The following SYTL2 variants were observed in gnomAD, a reference collection of about 807,000 sequenced individuals.
SYTL2 encodes synaptotagmin like 2.
SYTL2 carries 165 observed loss-of-function variants against 198.7 expected under a neutral mutation model. That is an observed-to-expected ratio of 0.83 (90% CI 0.73 to 0.94). SYTL2 has a LOEUF of 0.94. Among genes scored for constraint, SYTL2 ranks in the 40% least tolerant of loss-of-function variants. The pLI is 0.00. For missense variants in SYTL2, 2,835 were observed against 2,582.8 expected (o/e 1.10, Z -2.12); for synonymous variants, 966 against 917.7 (o/e 1.05, Z -0.95).
chr11:85,732,282 C>T (rs138537852), intron 7 of SYTL2, among the ~76,000 whole-genome samples: 11,123 of 152,224 alleles, frequency 0.073, 719 homozygotes, highest in Non-Finnish European at 0.099. Context: ...ACTACAAAGA[C>T]ACATGCACAC....
At position 85,695,259 on chromosome 11, in the gene SYTL2, G is replaced by C. The variant is rs1392988183; in HGVS notation, c.6656C>G (p.Pro2219Arg). ...CAGTGTTGCTTCAATCCAAGTATTG[G>C]GGGAGTTTACCATCTTCTCCCAGAG... The part of the protein sequence containing the change: ...VALWEKMVNS[P>R]NTWIEATLPL... The change falls in exon 20 of 20, where the codon CCC (proline) becomes CGC (arginine). Residue 2219 changes from proline (P) to arginine (R), a missense_variant. Physicochemically the swap from Pro to Arg is moderately radical, Grantham distance 103. This residue lies in a region of SYTL2 where 185 missense variants were observed against 182.1 expected (regional missense o/e 1.02). Coordinates refer to ENST00000359152, the MANE Select transcript of SYTL2 (RefSeq NM_206927.4). 2.5e-6 allele frequency: 4 copies of C among 1,612,790 alleles called. No homozygotes were observed. The highest frequency in any genetic ancestry group is 2.5e-6 in the Non-Finnish European group (3 of 1,179,078).
At chr11:85,752,391 G>T (rs2091565961) in intron 2 of SYTL2, among the ~76,000 whole-genome samples, 1 of 152,040 alleles carries the variant, frequency 6.6e-6, no homozygotes, top group Non-Finnish European at 1.5e-5. Context: ...CTTGCCCAAG[G>T]TCACACAGAG....
intron 1 of SYTL2, among the ~76,000 whole-genome samples, chr11:85,808,556 A>G (rs1159016878): frequency 6.6e-6 from 1 of 152,204 alleles, no homozygotes; most frequent in Non-Finnish European, 1.5e-5. Flanking sequence ...TGGAAAATTC[A>G]AACAGTAGTC....
At chr11:85,837,195 T>A in the SYTL2 span, among the ~76,000 whole-genome samples, 2 of 152,186 alleles carry the variant, frequency 1.3e-5, no homozygotes, top group African/African-American at 4.8e-5. Flanking sequence ...TCCTCCCAAA[T>A]TCATATGTTG....
At chr11:85,730,073 A>G (rs2089638322) in intron 7 of SYTL2, among the ~76,000 whole-genome samples, 1 of 152,186 alleles carries the variant, frequency 6.6e-6, no homozygotes, top group Non-Finnish European at 1.5e-5. Context: ...TAGACCAATA[A>G]CAAGTTCAGA....
At chr11:85,710,264 T>G (rs562354234) in intron 13 of SYTL2, among the ~76,000 whole-genome samples, 9 of 152,226 alleles carry the variant, frequency 5.9e-5, no homozygotes, top group Non-Finnish European at 1.3e-4. Flanking sequence ...AAATGCTTAC[T>G]GAGCCATGCG....
At chr11:85,747,218 G>T (rs1049793558) in intron 3 of SYTL2, among the ~76,000 whole-genome samples, 4 of 152,146 alleles carry the variant, frequency 2.6e-5, no homozygotes, top group African/African-American at 4.8e-5. Flanking sequence ...ACTTTGGGAG[G>T]GTGAGGCAGG....
upstream of SYTL2, among the ~76,000 whole-genome samples, chr11:85,816,058 G>C (rs183830296): frequency 4.5e-3 from 684 of 152,170 alleles, 5 homozygotes; most frequent in African/African-American, 0.016. Context: ...CCAGCTACTC[G>C]AGAGGCTGAG....
rs780854009 is a variant in SYTL2, at chr11:85,724,242, C to T, written c.5116G>A (p.Ala1706Thr). Reference sequence around the variant, plus strand: ...CTGGACACACTAATTGCTTCAGAAGCCTCTCCAAAGCCAGGTTCCTGAAGA... The same window carrying T: ...CTGGACACACTAATTGCTTCAGAAGTCTCTCCAAAGCCAGGTTCCTGAAGA... ...GTLQEPGFGE[A>T]SEAISVSRNR... Residue 1706 changes from alanine to threonine, a missense_variant, in exon 8 of 20, where the codon GCT (alanine) becomes ACT (threonine). Around this residue, in one of 3 missense-constraint regions of SYTL2, gnomAD observed 2,645 missense variants for 2,381.7 expected, o/e 1.11. Transcript: ENST00000359152. The T allele has an allele frequency of 4.5e-6, 7 of 1,570,276 alleles. 1 individual carries two copies. The East Asian group carries it at 1.6e-4, about 35-fold the overall frequency.
intron 1 of SYTL2, among the ~76,000 whole-genome samples, chr11:85,765,207 T>G (rs1421993002): frequency 6.6e-6 from 1 of 152,152 alleles, no homozygotes; most frequent in East Asian, 1.9e-4. Context: ...AGGATATAGA[T>G]AGAATAAGAA....
At chr11:85,829,832 C>A in the SYTL2 span, among the ~76,000 whole-genome samples, 1 of 151,940 alleles carries the variant, frequency 6.6e-6, no homozygotes, top group African/African-American at 2.4e-5. Flanking sequence ...TCTTGTATAC[C>A]GACATTTTAG....
At chr11:85,778,964 C>A (rs2092508785) in intron 1 of SYTL2, among the ~76,000 whole-genome samples, 1 of 151,902 alleles carries the variant, frequency 6.6e-6, no homozygotes, top group Non-Finnish European at 1.5e-5. Flanking sequence ...GGTGATAGAG[C>A]CAGACCTTGT....
chr11:85,806,887 G>T (rs1283798401), intron 1 of SYTL2, among the ~76,000 whole-genome samples: 1 of 152,230 alleles, frequency 6.6e-6, no homozygotes, highest in Non-Finnish European at 1.5e-5. Context: ...ACTAAACCCA[G>T]ATTGCACAGA....
intron 1 of SYTL2, among the ~76,000 whole-genome samples, chr11:85,779,268 T>A (rs767341734): frequency 6.6e-6 from 1 of 152,112 alleles, no homozygotes; most frequent in African/African-American, 2.4e-5. Flanking sequence ...AACAAGGGTA[T>A]TTTGGTTCAG....
rs767591591 is a variant in SYTL2 at position 85,734,662 on chromosome 11, G to A, written c.667C>T (p.Pro223Ser). The A allele has an allele frequency of 2.5e-6, 4 of 1,614,162 alleles. No individual in the cohort carries two copies. Among genetic ancestry groups the A allele is most frequent in the Admixed American group, 1.7e-5 (1 of 60,020 alleles). Residue 223 changes from proline to serine, a missense_variant, in exon 7 of 20, where the codon CCA becomes TCA. Pro to Ser is a moderately conservative substitution (Grantham distance 74). Around this residue, in one of 3 missense-constraint regions of SYTL2, gnomAD observed 2,645 missense variants for 2,381.7 expected, o/e 1.11. Transcript: ENST00000359152. ...ATTTGGGACCCATTTGAAAGGCCTG[G>A]CAAAGTCTGCTTTGATTTCTCTAAC... is the stretch of plus-strand genomic sequence containing the variant. ...QKLEKSKQTL[P>S]GLSNGSQIKA...
chr11:85,730,233 A>T (rs1185879685), intron 7 of SYTL2, among the ~76,000 whole-genome samples: 1 of 152,206 alleles, frequency 6.6e-6, no homozygotes, highest in Non-Finnish European at 1.5e-5. Context: ...CTCCTCCCTA[A>T]CTCATTTTGT....
chr11:85,790,202 G>C (rs987049594), intron 1 of SYTL2, among the ~76,000 whole-genome samples: 2 of 152,134 alleles, frequency 1.3e-5, no homozygotes, highest in Admixed American at 6.5e-5. Context: ...TTTTCCACTT[G>C]TAGGGTCATG....
intron 1 of SYTL2, among the ~76,000 whole-genome samples, chr11:85,791,943 G>C (rs1592047660): frequency 6.6e-6 from 1 of 152,102 alleles, no homozygotes; most frequent in African/African-American, 2.4e-5. Flanking sequence ...AAAGTTGCAA[G>C]AGAAAGGGAT....
rs370348816 is a variant in SYTL2 at position 85,739,847 on chromosome 11, G to A, written c.390-2191C>T. On this transcript the variant is annotated intron_variant, in intron 4 of 19. Transcript: ENST00000359152. ...ATCATGGTAATGGCTAGGCTATACT[G>A]CCTCTGGTTTCTTGCATTAAAGCAG... Among the ~76,000 whole-genome samples, 12 of 152,174 alleles carry A rather than the reference G, an allele frequency of 7.9e-5. No individual in the cohort carries two copies. In the East Asian group the frequency reaches 1.7e-3, roughly 22 times the overall value.
Sources: allele counts gnomAD v4.1 joint callset (sites outside exome capture counted in the v4.1 genomes callset), GRCh38; gene constraint gnomAD v4.1.1; regional missense constraint gnomAD v4.1.1; transcripts MANE v1.5; gene names NCBI Gene and HGNC (gene_info 2026-07-23, HGNC 2026-07-21).